Variants in PDE11A observed in about 807,000 individuals in gnomAD.
PDE11A encodes the protein dual 3',5'-cyclic-AMP and -GMP phosphodiesterase 11A.
PDE11A carries 100 observed loss-of-function variants against 100.5 expected under a neutral mutation model. The ratio of observed to expected loss-of-function variants is 1.00; its 90% CI spans 0.85 to 1.18. PDE11A has a LOEUF of 1.18. PDE11A is among the 50% of genes most tolerant of loss of function. The pLI is 0.00. For missense variants in PDE11A, 1,141 were observed against 1,152.6 expected, an observed-to-expected ratio of 0.99 and a Z score of 0.15; for synonymous variants, 381 against 420.8, an observed-to-expected ratio of 0.91 and a Z score of 1.16.
chr2:177,737,857 T>C (rs911542924), intron 10 of PDE11A, among the ~76,000 whole-genome samples: 4 of 152,232 alleles, frequency 2.6e-5, no homozygotes, highest in East Asian at 3.9e-4. Flanking sequence ...TAAATGCTCA[T>C]TGCAGTCTTC....
At chr2:178,104,794 G>A (rs193001224) in intron 1 of PDE11A, among the ~76,000 whole-genome samples, 25 of 152,176 alleles carry the variant, frequency 1.6e-4, no homozygotes, top group Admixed American at 9.8e-4. Flanking sequence ...ATTTATCCAG[G>A]TCAATTATAT....
At chr2:177,929,060 G>T (rs1358000971) in intron 2 of PDE11A, among the ~76,000 whole-genome samples, 1 of 152,134 alleles carries the variant, frequency 6.6e-6, no homozygotes, top group Non-Finnish European at 1.5e-5. Context: ...AGTTTGCAGG[G>T]GAACTTGAGT....
intron 6 of PDE11A, among the ~76,000 whole-genome samples, chr2:177,838,047 C>G (rs1469916873): frequency 6.6e-6 from 1 of 152,164 alleles, no homozygotes; most frequent in Non-Finnish European, 1.5e-5. Flanking sequence ...TTAAGGCACA[C>G]ATGAGAGGCC....
intron 14 of PDE11A, 94 bp from the exon 15 acceptor site, chr2:177,697,526 TA>T (rs988783520): frequency 5.6e-6 from 4 of 714,546 alleles, no homozygotes; most frequent in Admixed American, 2.0e-5. Flanking sequence ...CTGGGAACAT[TA>T]AAAAAATCAC....
chr2:178,053,826 A>G (rs2086861715), intron 1 of PDE11A, among the ~76,000 whole-genome samples: 1 of 152,172 alleles, frequency 6.6e-6, no homozygotes, highest in African/African-American at 2.4e-5. Flanking sequence ...GACTTCCTCA[A>G]GGAGAACTAC....
chr2:177,936,267 T>C (rs4341976), intron 2 of PDE11A, among the ~76,000 whole-genome samples: 4 of 152,266 alleles, frequency 2.6e-5, no homozygotes, highest in Non-Finnish European at 4.4e-5. Flanking sequence ...AAATTTTCCA[T>C]GTCTGGTCTA....
At chr2:177,693,694 T>G (rs2081072543) in intron 15 of PDE11A, among the ~76,000 whole-genome samples, 1 of 152,170 alleles carries the variant, frequency 6.6e-6, no homozygotes, top group Non-Finnish European at 1.5e-5. Flanking sequence ...ATTTCTTGAT[T>G]CTTCCATTAG....
chr2:177,842,556 A>T (rs1398175145), intron 5 of PDE11A, among the ~76,000 whole-genome samples: 1 of 152,228 alleles, frequency 6.6e-6, no homozygotes, highest in African/African-American at 2.4e-5. Flanking sequence ...GTTTAAGAAT[A>T]TGGAGCAGGG....
intron 1 of PDE11A, among the ~76,000 whole-genome samples, chr2:178,036,168 C>A (rs7558310): frequency 0.5 from 76,452 of 152,056 alleles, 20,005 homozygotes; most frequent in East Asian, 0.71. Context: ...TAAGCAACTT[C>A]AGCAAAGTCT....
chr2:177,749,561 A>G (rs1426688615), intron 10 of PDE11A, among the ~76,000 whole-genome samples: 1 of 151,934 alleles, frequency 6.6e-6, no homozygotes, highest in Non-Finnish European at 1.5e-5. Context: ...GCTATTTTCT[A>G]TGGCTACTGT....
chr2:177,979,310 C>T (rs2085849186), intron 2 of PDE11A, among the ~76,000 whole-genome samples: 1 of 150,338 alleles, frequency 6.7e-6, no homozygotes, highest in Admixed American at 6.6e-5. Flanking sequence ...ACTTTATAAA[C>T]AATGTGTTGG....
intron 6 of PDE11A, among the ~76,000 whole-genome samples, chr2:177,826,882 C>T (rs1248980150): frequency 1.3e-5 from 2 of 152,228 alleles, no homozygotes; most frequent in Non-Finnish European, 2.9e-5. Flanking sequence ...GTAACAGAAA[C>T]TGAGAGAAGA....
intron 2 of PDE11A, among the ~76,000 whole-genome samples, chr2:177,960,785 T>C (rs1380603006): frequency 6.6e-6 from 1 of 152,190 alleles, no homozygotes; most frequent in Non-Finnish European, 1.5e-5. Context: ...TATTGAAAGT[T>C]ATCTTGGGCT....
At chr2:177,915,744 G>A (rs993590242) in intron 2 of PDE11A, among the ~76,000 whole-genome samples, 2 of 152,218 alleles carry the variant, frequency 1.3e-5, no homozygotes, top group African/African-American at 4.8e-5. Flanking sequence ...CATGGTAAGC[G>A]TATCGTTAGC....
intron 18 of PDE11A, among the ~76,000 whole-genome samples, chr2:177,668,256 A>G (rs1281700395): frequency 6.6e-6 from 1 of 152,106 alleles, no homozygotes; most frequent in African/African-American, 2.4e-5. Flanking sequence ...TAATTAAATG[A>G]CCTGTGGTAT....
At chr2:177,916,927 ATTT>A (rs1183483256) in intron 2 of PDE11A, among the ~76,000 whole-genome samples, 15 of 105,310 alleles carry the variant, frequency 1.4e-4, no homozygotes, top group East Asian at 1.4e-3. Flanking sequence ...CGCCCGGCTA[ATTT>A]TTTTTTTTTT....
chr2:177,988,287 G>C (rs916091478), intron 2 of PDE11A, among the ~76,000 whole-genome samples: 1 of 152,160 alleles, frequency 6.6e-6, no homozygotes, highest in South Asian at 2.1e-4. Flanking sequence ...GATCTACCTT[G>C]TGTGACTTCT....
At chr2:177,881,388 C>T (rs199944767) in intron 4 of PDE11A, among the ~76,000 whole-genome samples, 226 of 97,092 alleles carry the variant, frequency 2.3e-3, no homozygotes, top group African/African-American at 8.1e-3. Context: ...TCTATCTATC[C>T]ATCTATCTAT....
At chr2:177,761,063 G>T (rs1298185907) in intron 10 of PDE11A, among the ~76,000 whole-genome samples, 1 of 152,184 alleles carries the variant, frequency 6.6e-6, no homozygotes, top group African/African-American at 2.4e-5. Flanking sequence ...GCAGGGTGGT[G>T]GTAGGAGGAT....
Sources: gnomAD v4.1 joint callset for allele counts (sites outside exome capture counted in the v4.1 genomes callset) on GRCh38, gnomAD v4.1.1 for gene constraint, MANE v1.5 for transcripts, NCBI Gene and HGNC (gene_info 2026-07-23, HGNC 2026-07-21) for gene names.